Variants in EBF4 observed in about 807,000 individuals in gnomAD.
EBF4 encodes transcription factor COE4.
In EBF4, 34 loss-of-function variants were observed where a neutral mutation model predicts 67.1. The ratio of observed to expected loss-of-function variants is 0.51; its 90% CI spans 0.39 to 0.67. The LOEUF (loss-of-function observed/expected upper bound fraction) is 0.67, where lower values mean the gene tolerates loss of function less well. EBF4 is among the 30% of genes least tolerant of loss of function. The pLI, the probability that EBF4 is intolerant of heterozygous loss-of-function variation, is 0.00. For missense variants in EBF4, 837 were observed against 873.3 expected (o/e 0.96, Z 0.52); for synonymous variants, 387 against 377.7 (o/e 1.02, Z -0.29).
At chr20:2,753,591 G>A (rs953510111) in intron 14 of EBF4, among the ~76,000 whole-genome samples, 1 of 152,248 alleles carries the variant, frequency 6.6e-6, no homozygotes, top group Non-Finnish European at 1.5e-5. Flanking sequence ...AGGCGACTCT[G>A]CCGAGCTGGA....
intron 14 of EBF4, among the ~76,000 whole-genome samples, chr20:2,754,231 G>A (rs745334433): frequency 1.3e-5 from 2 of 152,138 alleles, no homozygotes; most frequent in Non-Finnish European, 2.9e-5. Flanking sequence ...TTTGTGGCCC[G>A]ACTCCAAGGG....
chr20:2,696,200 G>A lies in EBF4; in HGVS notation c.137+2418G>A, dbSNP rs570430114. Among the ~76,000 whole-genome samples, 19 of 152,286 alleles carry A rather than the reference G, an allele frequency of 1.2e-4. 1 individual carries two copies. Among genetic ancestry groups the A allele is most frequent in the African/African-American group, 3.4e-4 (14 of 41,566 alleles). On this transcript the variant is annotated intron_variant, in intron 1 of 16. Coordinates refer to ENST00000609451, the Ensembl canonical transcript of EBF4. This position sits in a 1 kb window ranked among gnomAD's most constrained non-coding sequence, Gnocchi z 4.7. ...CAAATAAAGTGACCAGGCTGGGCGCGGTGGCTCACGCCTGTAATTCCAGCA... is the reference window on the plus strand; with the variant it reads ...CAAATAAAGTGACCAGGCTGGGCGCAGTGGCTCACGCCTGTAATTCCAGCA...
chr20:2,753,047 T>A lies in EBF4; in HGVS notation c.1540+502T>A, dbSNP rs549363518. Reference sequence around the variant, plus strand: ...TGGGGAGGATGTGGTCCCCGCGATGTCGTCCGGCAGAGCGAGCGAGTTCTG... The same window carrying A: ...TGGGGAGGATGTGGTCCCCGCGATGACGTCCGGCAGAGCGAGCGAGTTCTG... On this transcript the variant is annotated intron_variant, in intron 14 of 16. Coordinates refer to ENST00000609451, the Ensembl canonical transcript of EBF4. Among the ~76,000 whole-genome samples, 66 of 152,366 alleles carry A rather than the reference T, an allele frequency of 4.3e-4. 1 individual carries two copies. The South Asian group carries it at 0.013, about 31-fold the overall frequency.
intron 6 of EBF4, among the ~76,000 whole-genome samples, chr20:2,712,945 C>T (rs1351652075): frequency 6.6e-6 from 1 of 152,014 alleles, no homozygotes; most frequent in Non-Finnish European, 1.5e-5. Context: ...GTGACTGTCA[C>T]GGGAGTCATT....
Position 2,696,465 on chromosome 20 carries a change from G to A in EBF4, c.137+2683G>A, listed in dbSNP as rs1457331366. Reference sequence around the variant, plus strand: ...CCAGCCTGGGCGGCAGAGTGAAACTGTGCCTCAAAAATAAATAAGTAAATA... The same window carrying A: ...CCAGCCTGGGCGGCAGAGTGAAACTATGCCTCAAAAATAAATAAGTAAATA... On this transcript the variant is annotated intron_variant, in intron 1 of 16. Transcript: ENST00000609451. The surrounding 1 kb of genome is among the most constrained non-coding windows in gnomAD (Gnocchi z 4.7). Among the ~76,000 whole-genome samples the A allele has an allele frequency of 6.6e-6, 1 of 152,066 alleles. No homozygotes were observed. Among genetic ancestry groups the A allele is most frequent in the Non-Finnish European group, 1.5e-5 (1 of 68,016 alleles).
rs2087283797 is a variant in EBF4, at chr20:2,696,026, G to A, written c.137+2244G>A. Among the ~76,000 whole-genome samples, 1 of 152,192 alleles carries A rather than the reference G, an allele frequency of 6.6e-6. No homozygotes were observed. The highest frequency in any genetic ancestry group is 1.5e-5 in the Non-Finnish European group (1 of 68,040). ...CCACCCGCTTCCTCCCTGGCTTGAA[G>A]GTTAACTGCACCCTGGTTACCACCT... is the stretch of plus-strand genomic sequence containing the variant. On this transcript the variant is annotated intron_variant, in intron 1 of 16. Transcript: ENST00000609451. The surrounding 1 kb of genome is among the most constrained non-coding windows in gnomAD (Gnocchi z 4.7).
chr20:2,701,180 G>C (rs952599553), intron 1 of EBF4, among the ~76,000 whole-genome samples: 4 of 152,244 alleles, frequency 2.6e-5, no homozygotes, highest in Admixed American at 6.5e-5. Flanking sequence ...GGGAGGATGA[G>C]TGTGCCTCAG....
chr20:2,723,294 A>AT (rs2087705510), intron 6 of EBF4, among the ~76,000 whole-genome samples: 1 of 151,742 alleles, frequency 6.6e-6, no homozygotes, highest in African/African-American at 2.4e-5. Flanking sequence ...CTCTGCATTT[A>AT]TTTTCAACCA....
In EBF4 at chr20:2,751,468, A is replaced by T. The variant is rs2088143501; in HGVS notation, c.1019-232A>T. ...ACCAAGCGCCTAGGGCCGAGGACAGAGGCTGGCTCAGTAAATATTTGTTGA... is the reference window on the plus strand; with the variant it reads ...ACCAAGCGCCTAGGGCCGAGGACAGTGGCTGGCTCAGTAAATATTTGTTGA... On this transcript the variant is annotated intron_variant, in intron 10 of 16. Transcript: ENST00000609451. The surrounding 1 kb of genome is among the most constrained non-coding windows in gnomAD (Gnocchi z 5.2). Among the ~76,000 whole-genome samples the T allele has an allele frequency of 6.6e-6, 1 of 152,190 alleles. No homozygotes were observed. The highest frequency in any genetic ancestry group is 2.1e-4 in the South Asian group (1 of 4,830).
intron 10 of EBF4, 148 bp downstream of exon 10, chr20:2,750,121 T>C: frequency 8.3e-7 from 1 of 1,202,604 alleles, no homozygotes; most frequent in Non-Finnish European, 1.1e-6. Flanking sequence ...TTTAACCACC[T>C]ATGCCTGTGA....
chr20:2,749,672 C>T, exon 9 of EBF4: 1 of 1,567,360 alleles, frequency 6.4e-7, no homozygotes, highest in South Asian at 1.2e-5. Flanking sequence ...GGACCACGGG[C>T]GGCGCCACCG....
At chr20:2,752,541 C>T (rs1490527549) in exon 14 of EBF4, 1 of 1,247,346 alleles carries the variant, frequency 8.0e-7, no homozygotes, top group Non-Finnish European at 1.0e-6. Context: ...CCTCGCCCTT[C>T]GCCAGTGAGT....
At chr20:2,710,324 A>AT (rs2087524966) in intron 6 of EBF4, among the ~76,000 whole-genome samples, 2 of 151,812 alleles carry the variant, frequency 1.3e-5, no homozygotes, top group African/African-American at 4.8e-5. Context: ...AATTTTTTGT[A>AT]TTTTTTGTAG....
At chr20:2,748,776 G>A (rs1185014688) in intron 7 of EBF4, 146 bp downstream of exon 7, 2 of 906,452 alleles carry the variant, frequency 2.2e-6, no homozygotes, top group Admixed American at 5.6e-5. Context: ...CCCCAGCCTG[G>A]TTGGTGCCTG....
chr20:2,755,905 C>A lies in EBF4; in HGVS notation c.1738+81C>A. 1 of 1,303,194 alleles carries A rather than the reference C, an allele frequency of 7.7e-7. No individual in the cohort carries two copies. Among genetic ancestry groups the A allele is most frequent in the Non-Finnish European group, 1.0e-6 (1 of 960,464 alleles). The allele number at this position is 1,303,194 out of a possible 1,614,324, so 80.7% of individuals were successfully genotyped here. On this transcript the variant is annotated intron_variant, in intron 15 of 16. Transcript: ENST00000609451. The surrounding 1 kb of genome is among the most constrained non-coding windows in gnomAD (Gnocchi z 4.7). ...CTGGGCTACAGGGGCCTGCTCTGTC[C>A]ACATCTCACCAGTGCCTCATGCTGG...
At chr20:2,708,975 C>T (rs979212533) in intron 5 of EBF4, among the ~76,000 whole-genome samples, 59 of 152,244 alleles carry the variant, frequency 3.9e-4, no homozygotes, top group African/African-American at 1.3e-3. Flanking sequence ...CACTTGAGGC[C>T]AGGAGTTCAA....
At chr20:2,722,163 G>C (rs2087689697) in intron 6 of EBF4, among the ~76,000 whole-genome samples, 1 of 152,078 alleles carries the variant, frequency 6.6e-6, no homozygotes, top group Admixed American at 6.6e-5. Flanking sequence ...GCCTCCTGAA[G>C]TAACCAGGAC....
intron 7 of EBF4, among the ~76,000 whole-genome samples, 183 bp downstream of exon 7, chr20:2,748,813 C>T (rs1261298668): frequency 6.6e-6 from 1 of 152,244 alleles, no homozygotes; most frequent in Non-Finnish European, 1.5e-5. Context: ...TCCTTCTCAA[C>T]TTGTGCTGGC....
intron 16 of EBF4, 115 bp from the exon 17 acceptor site, chr20:2,759,153 G>A (rs2088288979): frequency 1.3e-5 from 9 of 673,644 alleles, no homozygotes; most frequent in South Asian, 1.9e-5. Context: ...AGCTTTCTGA[G>A]GTACTTGGCC....
Sources: gnomAD v4.1 joint callset for allele counts (sites outside exome capture counted in the v4.1 genomes callset) on GRCh38, gnomAD v4.1.1 for gene constraint, Gnocchi (gnomAD v3.1) non-coding constraint, MANE v1.5 for transcripts, NCBI Gene and HGNC (gene_info 2026-07-23, HGNC 2026-07-21) for gene names.